The following BSN variants were observed in gnomAD, a reference collection of about 807,000 sequenced individuals.
The protein encoded by BSN is protein bassoon.
Under a neutral mutation model 264.8 loss-of-function variants are expected in BSN, and 57 were observed. That is an observed-to-expected ratio of 0.22 (90% CI 0.17 to 0.27). The LOEUF is 0.27. Ranked by LOEUF, BSN falls within the 10% of genes least tolerant of loss-of-function variation. The pLI is 1.00. For synonymous variants in BSN, 2,059 were observed against 2,137.3 expected (o/e 0.96, Z 1.01); for missense variants, 4,615 against 5,232.5 (o/e 0.88, Z 3.64).
At chr3:49,592,435 G>T (rs2051985470) in intron 1 of BSN, among the ~76,000 whole-genome samples, 1 of 148,874 alleles carries the variant, frequency 6.7e-6, no homozygotes, top group Non-Finnish European at 1.5e-5. Context: ...TTTAAAAATT[G>T]AATTTCACAT....
At chr3:49,628,167 G>A (rs904812686) in intron 2 of BSN, among the ~76,000 whole-genome samples, 6 of 152,228 alleles carry the variant, frequency 3.9e-5, no homozygotes, top group Non-Finnish European at 8.8e-5. Flanking sequence ...AAATGTGACC[G>A]CAGAAAATGG....
At chr3:49,673,087 C>CTGTTTTTTTTTTTTTTTTTTT, downstream of BSN, among the ~76,000 whole-genome samples, 1 of 43,216 alleles carries the variant, frequency 2.3e-5, no homozygotes, top group South Asian at 1.1e-3. Context: ...CCGGCCGGGA[C>CTGTTTTTTTTTTTTTTTTTTT]TTTTTTTTTT....
At chr3:49,575,301 C>T (rs1005787637) in intron 1 of BSN, among the ~76,000 whole-genome samples, 1 of 151,410 alleles carries the variant, frequency 6.6e-6, no homozygotes, top group African/African-American at 2.4e-5. Flanking sequence ...TTGCAGTAAC[C>T]CGAGATCGCA....
At chr3:49,618,301 A>C (rs888938016) in intron 1 of BSN, among the ~76,000 whole-genome samples, 3 of 152,034 alleles carry the variant, frequency 2.0e-5, no homozygotes, top group Non-Finnish European at 4.4e-5. Flanking sequence ...TTACCCACTA[A>C]TTGACTTCTC....
chr3:49,608,040 C>T (rs1417425160), intron 1 of BSN, among the ~76,000 whole-genome samples: 2 of 152,156 alleles, frequency 1.3e-5, no homozygotes, highest in Non-Finnish European at 1.5e-5. Flanking sequence ...TCCTCTCCTG[C>T]GGGAAGCCTC....
At position 49,654,829 on chromosome 3, in the gene BSN, G is replaced by A. The variant is rs373468284; in HGVS notation, c.5273G>A (p.Arg1758His). ...GTCTATGGAGACCCCTACCAGAGCCGCCTTGACTTTGGCCAGGGTGGGGGT... is the reference window on the plus strand; with the variant it reads ...GTCTATGGAGACCCCTACCAGAGCCACCTTGACTTTGGCCAGGGTGGGGGT... ...PVVYGDPYQS[R>H]LDFGQGGGSP... Residue 1758 changes from arginine to histidine, a missense_variant, in exon 5 of 12, where the codon CGC (arginine) becomes CAC (histidine). Arg to His is a conservative substitution (Grantham distance 29, BLOSUM62 0). Around this residue, in one of 3 missense-constraint regions of BSN, gnomAD observed 3,415 missense variants for 3,866.4 expected, o/e 0.88. Transcript: ENST00000296452. This position sits in a 1 kb window ranked among gnomAD's most constrained non-coding sequence, Gnocchi z 4.1. 1.6e-5 allele frequency: 26 copies of A among 1,613,392 alleles called. No homozygotes were observed. The highest frequency in any genetic ancestry group is 6.7e-5 in the East Asian group (3 of 44,886).
At chr3:49,557,201 G>A (rs2107995143) in intron 1 of BSN, among the ~76,000 whole-genome samples, 1 of 152,274 alleles carries the variant, frequency 6.6e-6, no homozygotes, top group Non-Finnish European at 1.5e-5. Context: ...TCTGCTTCTG[G>A]TGTCAGGGTG....
intron 1 of BSN, among the ~76,000 whole-genome samples, chr3:49,619,106 TGAA>T (rs2052283176): frequency 6.6e-6 from 1 of 152,184 alleles, no homozygotes; most frequent in Admixed American, 6.5e-5. Flanking sequence ...CCTGAATGAA[TGAA>T]TGAATAAATA....
In BSN at chr3:49,664,800, T is replaced by C. The variant is rs374743233; in HGVS notation, c.11742T>C (p.Ala3914=). 2 of 1,613,784 alleles carry C rather than the reference T, an allele frequency of 1.2e-6. No individual in the cohort carries two copies. The highest frequency in any genetic ancestry group is 1.7e-6 in the Non-Finnish European group (2 of 1,180,004). Residue 3914 remains alanine (A), a splice_region_variant and synonymous_variant, in exon 10 of 12, where the codon GCT becomes GCC. Coordinates refer to ENST00000296452, the MANE Select transcript of BSN (RefSeq NM_003458.4). ...CTCTCTCCTCTTTCTTTGTCACAGC[T>C]GTCTCTGCTTTTGGCAAAAAATTTT... The part of the protein sequence containing the change: ...AAEQAGKLTE[A]VSAFGKKFSS...
At chr3:49,566,813 A>T (rs1345655855) in intron 1 of BSN, among the ~76,000 whole-genome samples, 1 of 141,906 alleles carries the variant, frequency 7.0e-6, no homozygotes, top group African/African-American at 2.6e-5. Flanking sequence ...AAAAAAAAGG[A>T]TTAGGGGATT....
rs1559603522 is a variant in BSN at position 49,606,181 on chromosome 3, A to ATATATTATATATACATATATTATATGTG, written c.225-18789_225-18788insTATATATACATATATTATATGTGTATAT. On this transcript the variant is annotated intron_variant, in intron 1 of 11. Transcript: ENST00000296452. The stretch of plus-strand genomic sequence containing the variant: ...TTATATATACATATATTATATATGT[A>ATATATTATATATACATATATTATATGTG]TATATATTATATATACATATATTAT... Among the ~76,000 whole-genome samples the ATATATTATATATACATATATTATATGTG allele has an allele frequency of 1.6e-3, 11 of 6,806 alleles. 2 individuals are homozygous for ATATATTATATATACATATATTATATGTG. Among genetic ancestry groups the ATATATTATATATACATATATTATATGTG allele is most frequent in the South Asian group, 0.029 (2 of 70 alleles). The allele number at this position is 6,806 out of a possible 152,430, so 4.5% of individuals were successfully genotyped here.
intron 1 of BSN, among the ~76,000 whole-genome samples, chr3:49,598,182 C>A (rs555078555): frequency 6.6e-6 from 1 of 152,206 alleles, no homozygotes; most frequent in Admixed American, 6.5e-5. Context: ...ATGGGTTACA[C>A]TTTCCTGTTG....
intron 11 of BSN, among the ~76,000 whole-genome samples, chr3:49,665,980 C>CTGGCCCTGGCCT (rs1353718049): frequency 6.6e-6 from 1 of 152,254 alleles, no homozygotes; most frequent in Non-Finnish European, 1.5e-5. Flanking sequence ...GGCCCTGGCC[C>CTGGCCCTGGCCT]TGGCCCTGGC....
intron 3 of BSN, among the ~76,000 whole-genome samples, chr3:49,649,683 C>G (rs946183050): frequency 6.6e-6 from 1 of 152,210 alleles, no homozygotes; most frequent in African/African-American, 2.4e-5. Flanking sequence ...ACCATTGATA[C>G]CTGTGTCATA....
Position 49,668,008 on chromosome 3 carries a change from C to T in BSN, c.*523C>T, listed in dbSNP as rs892383909. The T allele has an allele frequency of 6.5e-6, 1 of 152,692 alleles. No homozygotes were observed. Among genetic ancestry groups the T allele is most frequent in the African/African-American group, 2.4e-5 (1 of 41,446 alleles). 9.5% of individuals were successfully genotyped at this position (152,692 alleles called of 1,614,324 possible). On this transcript the variant is annotated 3_prime_UTR_variant, in exon 12 of 12. Transcript: ENST00000296452. ...GGCTGGGGGCCCTGGGCTCCGTTTC[C>T]TTCACATTCCAGCTGGCCCGGATCC...
In BSN at chr3:49,600,339, A is replaced by AG. The variant is rs1185195926; in HGVS notation, c.225-24632dup. 1.4e-4 allele frequency among the ~76,000 whole-genome samples: 21 copies of AG among 152,272 alleles called. No homozygotes were observed. In the South Asian group the frequency reaches 3.1e-3, roughly 23 times the overall value. Reference sequence around the variant, plus strand: ...AAGGATAATTATCTGTGGAGCGTGCAGGGGCTGTGAGGAGGCCAGCCTGGC... The same window carrying AG: ...AAGGATAATTATCTGTGGAGCGTGCAGGGGGCTGTGAGGAGGCCAGCCTGGC... On this transcript the variant is annotated intron_variant, in intron 1 of 11. Coordinates refer to ENST00000296452, the MANE Select transcript of BSN (RefSeq NM_003458.4).
At chr3:49,590,485 T>A (rs567115245) in intron 1 of BSN, among the ~76,000 whole-genome samples, 73 of 152,246 alleles carry the variant, frequency 4.8e-4, no homozygotes, top group African/African-American at 1.7e-3. Flanking sequence ...TACTTTTTTT[T>A]ATTAAGTGGG....
chr3:49,565,696 G>A (rs2051747505), intron 1 of BSN, among the ~76,000 whole-genome samples: 1 of 152,174 alleles, frequency 6.6e-6, no homozygotes, highest in Non-Finnish European at 1.5e-5. Flanking sequence ...GTTAGAGGGT[G>A]CTTTACTATT....
chr3:49,572,152 C>T (rs2051801935), intron 1 of BSN, among the ~76,000 whole-genome samples: 1 of 152,134 alleles, frequency 6.6e-6, no homozygotes. Flanking sequence ...CTTGTAGGAG[C>T]TCTTTTCTTG....
Sources: gnomAD v4.1 joint callset for allele counts (sites outside exome capture counted in the v4.1 genomes callset) on GRCh38, gnomAD v4.1.1 for gene constraint, gnomAD v4.1.1 regional missense constraint, Gnocchi (gnomAD v3.1) non-coding constraint, MANE v1.5 for transcripts, NCBI Gene and HGNC (gene_info 2026-07-23, HGNC 2026-07-21) for gene names.